DHRSX: variants seen among roughly 807,000 people sequenced by gnomAD.
DHRSX encodes the protein dehydrogenase/reductase X-linked, also known as polyprenol dehydrogenase.
In DHRSX, 31 loss-of-function variants were observed where a neutral mutation model predicts 34.0. That is an observed-to-expected ratio of 0.91 (90% CI 0.69 to 1.23). The LOEUF is 1.23. Among genes scored for constraint, DHRSX ranks in the 50% most tolerant of loss-of-function variants. The pLI is 0.00. For synonymous variants in DHRSX, 201 were observed against 183.8 expected (o/e 1.09, Z -0.76); for missense variants, 414 against 428.1 (o/e 0.97, Z 0.29).
At chrX:2,222,602 C>A (rs1420894006) in intron 6 of DHRSX, among the ~76,000 whole-genome samples, 1 of 152,208 alleles carries the variant, frequency 6.6e-6, no homozygotes, top group Non-Finnish European at 1.5e-5. Context: ...GCCCCTAGCA[C>A]TGCAGTGGCT....
rs772174275 is a variant in DHRSX, at chrX:2,478,566, C to G, written c.109+22251G>C. Among the ~76,000 whole-genome samples, 7 of 151,982 alleles carry G rather than the reference C, an allele frequency of 4.6e-5. No individual in the cohort carries two copies. The South Asian group carries it at 8.3e-4, about 18-fold the overall frequency. ...AGTGTGTACACATTGAAGAGGTTCC[C>G]TAAGAATATGGCTAAGAAACAGCAC... On this transcript the variant is annotated intron_variant, in intron 1 of 6. Coordinates refer to ENST00000334651, the MANE Select transcript of DHRSX (RefSeq NM_145177.3).
intron 1 of DHRSX, among the ~76,000 whole-genome samples, chrX:2,431,928 C>G (rs1230550481): frequency 1.3e-5 from 2 of 152,162 alleles, no homozygotes; most frequent in Non-Finnish European, 2.9e-5. Context: ...TGCGGTGGCT[C>G]ACACCTGTCA....
At chrX:2,468,138 C>T (rs6567552) in intron 1 of DHRSX, among the ~76,000 whole-genome samples, 44,189 of 151,918 alleles carry the variant, frequency 0.29, 6,659 homozygotes, top group African/African-American at 0.36. Context: ...GTCTCTGATG[C>T]GATGGGGGCA....
chrX:2,298,638 G>GCACACACACGC (rs1569485218), intron 3 of DHRSX, among the ~76,000 whole-genome samples: 1 of 103,356 alleles, frequency 9.7e-6, no homozygotes, highest in African/African-American at 7.5e-5. Context: ...ACACACACAC[G>GCACACACACGC]AGGTCTTATT....
At chrX:2,297,415 G>T (rs1387872904) in intron 3 of DHRSX, among the ~76,000 whole-genome samples, 1 of 152,090 alleles carries the variant, frequency 6.6e-6, no homozygotes, top group Non-Finnish European at 1.5e-5. Context: ...GAGCCACCTT[G>T]CCTGGCCATC....
In DHRSX at chrX:2,374,089, C is replaced by T. The variant is rs866020225; in HGVS notation, c.286+34656G>A. Among the ~76,000 whole-genome samples, 44 of 152,312 alleles carry T rather than the reference C, an allele frequency of 2.9e-4. 1 individual carries two copies. The Middle Eastern group carries it at 0.01, about 35-fold the overall frequency. On this transcript the variant is annotated intron_variant, in intron 3 of 6. Coordinates refer to ENST00000334651, the MANE Select transcript of DHRSX (RefSeq NM_145177.3). ...CCTGTCCAGCCCAGGCAATGGCCTA[C>T]CACCCTCATGTGATTAGTATTGTTC...
chrX:2,474,539 C>T (rs1265908350), intron 1 of DHRSX, among the ~76,000 whole-genome samples: 1 of 151,702 alleles, frequency 6.6e-6, no homozygotes. Context: ...GAAGCCATTC[C>T]TTAAGCATGT....
intron 3 of DHRSX, among the ~76,000 whole-genome samples, chrX:2,390,372 A>G (rs1358503836): frequency 1.3e-5 from 2 of 151,734 alleles, no homozygotes; most frequent in East Asian, 1.9e-4. Flanking sequence ...TCCTGACCTC[A>G]GGTGATCCAC....
At chrX:2,491,350 G>A (rs1274758770) in intron 1 of DHRSX, among the ~76,000 whole-genome samples, 6 of 152,316 alleles carry the variant, frequency 3.9e-5, no homozygotes, top group African/African-American at 1.4e-4. Flanking sequence ...GATGACAGGC[G>A]TGAGTCACCG....
At chrX:2,492,050 C>T in intron 1 of DHRSX, among the ~76,000 whole-genome samples, 1 of 152,294 alleles carries the variant, frequency 6.6e-6, no homozygotes, top group East Asian at 1.9e-4. Flanking sequence ...ACCACCCAGG[C>T]ACGTTCAGAG....
At chrX:2,410,369 C>T (rs1486896913) in intron 2 of DHRSX, among the ~76,000 whole-genome samples, 3 of 152,084 alleles carry the variant, frequency 2.0e-5, no homozygotes, top group Admixed American at 6.6e-5. Flanking sequence ...CTTGGGTGCC[C>T]GGAGAGCTTC....
At chrX:2,488,769 C>A (rs200152606) in intron 1 of DHRSX, 2 of 1,613,974 alleles carry the variant, frequency 1.2e-6, no homozygotes, top group Non-Finnish European at 1.7e-6. Flanking sequence ...CCACTCCGGG[C>A]GTTCTCATAC....
intron 3 of DHRSX, among the ~76,000 whole-genome samples, chrX:2,402,986 A>C (rs1343718438): frequency 1.3e-5 from 2 of 149,712 alleles, no homozygotes; most frequent in East Asian, 4.0e-4. Flanking sequence ...AGATTCAAGC[A>C]ATTCTCCTGC....
intron 3 of DHRSX, among the ~76,000 whole-genome samples, chrX:2,331,050 C>T (rs1331268059): frequency 6.6e-6 from 1 of 152,122 alleles, no homozygotes; most frequent in African/African-American, 2.4e-5. Context: ...GGGTAGAGCC[C>T]AGACTCCCAC....
intron 3 of DHRSX, among the ~76,000 whole-genome samples, chrX:2,349,999 A>C (rs71205275): frequency 1.6e-3 from 241 of 152,040 alleles, no homozygotes; most frequent in Admixed American, 2.8e-3. Flanking sequence ...AGATCGCGCC[A>C]CTGCACTCCA....
intron 3 of DHRSX, among the ~76,000 whole-genome samples, chrX:2,372,584 G>A (rs1475686263): frequency 6.7e-6 from 1 of 150,062 alleles, no homozygotes; most frequent in Non-Finnish European, 1.5e-5. Flanking sequence ...AAAGGGAGAG[G>A]TTGGTATTTC....
chrX:2,276,786 GAGGGAGGAAAT>G (rs1201856687), intron 4 of DHRSX, among the ~76,000 whole-genome samples: 1 of 147,626 alleles, frequency 6.8e-6, no homozygotes, highest in Admixed American at 6.7e-5. Flanking sequence ...GAGAGAAGGA[GAGGGAGGAAAT>G]AGGGAGAAAG....
intron 1 of DHRSX, among the ~76,000 whole-genome samples, chrX:2,485,057 G>A (rs1359196376): frequency 6.6e-6 from 1 of 152,300 alleles, no homozygotes; most frequent in African/African-American, 2.4e-5. Context: ...AAAGTGGGGG[G>A]GAAACAAAAA....
rs749478646 is a variant in DHRSX at position 2,231,858 on chromosome X, TTCC to T, written c.805-10632_805-10630del. On this transcript the variant is annotated intron_variant, in intron 6 of 6. Coordinates refer to ENST00000334651, the MANE Select transcript of DHRSX (RefSeq NM_145177.3). ...CCTCTTTCTCATTTTCTCCCTCTTC[TTCC>T]TCCTCCATCTTCTCCAACTTCTTCC... Among the ~76,000 whole-genome samples, 122 of 150,092 alleles carry T rather than the reference TTCC, an allele frequency of 8.1e-4. 1 individual carries two copies. The South Asian group carries it at 0.022, about 27-fold the overall frequency.
Sources: allele counts gnomAD v4.1 joint callset (sites outside exome capture counted in the v4.1 genomes callset), GRCh38; gene constraint gnomAD v4.1.1; transcripts MANE v1.5; gene names NCBI Gene and HGNC (gene_info 2026-07-23, HGNC 2026-07-21).